CSAD: variants seen among roughly 807,000 people sequenced by gnomAD.
The protein encoded by CSAD is P-selectin cytoplasmic tail-associated protein.
Under a neutral mutation model 61.5 loss-of-function variants are expected in CSAD, and 47 were observed. The ratio of observed to expected loss-of-function variants is 0.76; its 90% confidence interval spans 0.60 to 0.97. CSAD has a LOEUF of 0.97. Among genes scored for constraint, CSAD ranks in the 50% least tolerant of loss-of-function variants. The probability of loss-of-function intolerance (pLI) is 0.00; values close to 1 mark genes in which losing one functional copy is unlikely to be tolerated. For synonymous variants in CSAD, 245 were observed against 252.7 expected, an observed-to-expected ratio of 0.97 and a Z score of 0.29; for missense variants, 611 against 643.6, an observed-to-expected ratio of 0.95 and a Z score of 0.55.
In CSAD at chr12:53,170,051, C is replaced by A. The variant is rs199564889; in HGVS notation, c.702+21G>T. On this transcript the variant is annotated intron_variant, in intron 10 of 16. Transcript: ENST00000444623. ...AAGACAGTTGGAGGCTATATCACCC[C>A]AGCGAGCCTCACTGACTCACCTCAG... 3.1e-6 allele frequency: 5 copies of A among 1,609,922 alleles called. No individual in the cohort carries two copies. The African/African-American group carries it at 6.7e-5, about 22-fold the overall frequency.
chr12:53,158,801 G>T, intron 16 of CSAD, 117 bp from the exon 17 acceptor site: 1 of 908,334 alleles, frequency 1.1e-6, no homozygotes, highest in Non-Finnish European at 1.7e-6. Flanking sequence ...CCACCTTCTG[G>T]GGGTAGCACA....
At position 53,159,610 on chromosome 12, in the gene CSAD, A is replaced by G; in HGVS notation, c.1308+13T>C. ...CTCCCTAACGGGTAAAGAGAGCAGC[A>G]CAGCACGCCTACCTTTGACAGCCTT... On this transcript the variant is annotated intron_variant, in intron 16 of 16. Transcript: ENST00000444623. 1 of 1,606,028 alleles carries G rather than the reference A, an allele frequency of 6.2e-7. No homozygotes were observed. The highest frequency in any genetic ancestry group is 8.5e-7 in the Non-Finnish European group (1 of 1,175,876).
intron 10 of CSAD, among the ~76,000 whole-genome samples, chr12:53,163,644 CA>C (rs1300251494): frequency 6.6e-6 from 1 of 152,064 alleles, no homozygotes; most frequent in African/African-American, 2.4e-5. Flanking sequence ...CTGAAAACTA[CA>C]AAACACTGTG....
chr12:53,158,896 C>T (rs1361272592), intron 16 of CSAD, among the ~76,000 whole-genome samples: 1 of 152,178 alleles, frequency 6.6e-6, no homozygotes, highest in Non-Finnish European at 1.5e-5. Flanking sequence ...TGCTTTTCTC[C>T]CCATTTCTCC....
At chr12:53,180,004 C>A in intron 1 of CSAD, 1 of 1,458,428 alleles carries the variant, frequency 6.9e-7, no homozygotes, top group Non-Finnish European at 9.0e-7. Flanking sequence ...GTGTTTGATG[C>A]TGGACGGCCT....
chr12:53,179,994 G>C (rs929987543), intron 1 of CSAD: 4 of 1,486,184 alleles, frequency 2.7e-6, no homozygotes, highest in African/African-American at 1.4e-5. Flanking sequence ...GTGGAGGCTA[G>C]TGTTTGATGC....
chr12:53,177,601 G>A (rs1003788873), intron 2 of CSAD, among the ~76,000 whole-genome samples: 1 of 152,080 alleles, frequency 6.6e-6, no homozygotes, highest in African/African-American at 2.4e-5. Context: ...CCAGCCTAAG[G>A]CAACAAAGCG....
intron 10 of CSAD, among the ~76,000 whole-genome samples, chr12:53,168,114 A>C (rs956878013): frequency 6.6e-6 from 1 of 152,248 alleles, no homozygotes; most frequent in Admixed American, 6.5e-5. Flanking sequence ...TATGTAAAAG[A>C]AGCTCATCAC....
At chr12:53,170,707 A>T in intron 8 of CSAD, 1 of 562,510 alleles carries the variant, frequency 1.8e-6, no homozygotes. Flanking sequence ...GGGGCCCAAG[A>T]TTCTGCATTT....
chr12:53,170,136 A>C lies in CSAD; in HGVS notation c.648-10T>G. 6.2e-7 allele frequency: 1 copy of C among 1,613,396 alleles called. No individual in the cohort carries two copies. The highest frequency in any genetic ancestry group is 1.1e-5 in the South Asian group (1 of 91,038). Reference sequence around the variant, plus strand: ...GGGGACCATTTTCCCTCTGAAAAAGAAAATGCAGAGGGTAGAGCAGGGACA... The same window carrying C: ...GGGGACCATTTTCCCTCTGAAAAAGCAAATGCAGAGGGTAGAGCAGGGACA... On this transcript the variant is annotated splice_polypyrimidine_tract_variant and intron_variant, in intron 9 of 16. Coordinates refer to ENST00000444623, the MANE Select transcript of CSAD (RefSeq NM_001244705.2).
chr12:53,159,712 G>C lies in CSAD; in HGVS notation c.1219C>G (p.Pro407Ala). ...CAGAAACACACATTGACAAACTCAG[G>C]CTGAGAGGAATGAGAAAGAGGAAGG... Reference protein sequence around the residue: ...KREGFELVMEPEFVNVCFWFV... With the variant: ...KREGFELVMEAEFVNVCFWFV... Residue 407 changes from proline (P) to alanine (A), a missense_variant and splice_region_variant, in exon 16 of 17, where the codon CCT becomes GCT. Physicochemically the swap from Pro to Ala is conservative, Grantham distance 27. Coordinates refer to ENST00000444623, the MANE Select transcript of CSAD (RefSeq NM_001244705.2). 6.2e-7 allele frequency: 1 copy of C among 1,607,270 alleles called. No individual in the cohort carries two copies. The highest frequency in any genetic ancestry group is 1.7e-5 in the Admixed American group (1 of 58,954).
chr12:53,170,571 T>C (rs894329644), intron 8 of CSAD, 69 bp from the exon 9 acceptor site: 7 of 1,210,796 alleles, frequency 5.8e-6, no homozygotes, highest in African/African-American at 1.5e-5. Flanking sequence ...AAAAGTCAAG[T>C]GTGAGCTCCA....
rs1215499626 is a variant in CSAD at position 53,170,460 on chromosome 12, C to T, written c.610G>A (p.Gly204Ser). The part of the protein sequence containing the change: ...IQKGAAFLGL[G>S]TDSVRVVKAD... ...TTGACCACTCGGACACTGTCGGTGC[C>T]AAGTCCCAGAAACGCAGCTCCCTTC... The change falls in exon 9 of 17, where the codon GGC becomes AGC. Residue 204 changes from glycine (G) to serine (S), a missense_variant. Physicochemically the swap from Gly to Ser is moderately conservative, Grantham distance 56. Coordinates refer to ENST00000444623, the MANE Select transcript of CSAD (RefSeq NM_001244705.2). The T allele has an allele frequency of 1.2e-6, 2 of 1,614,140 alleles. No individual in the cohort carries two copies.
chr12:53,171,468 G>A (rs2121513065), intron 7 of CSAD, 27 bp from the exon 8 acceptor site: 1 of 1,611,092 alleles, frequency 6.2e-7, no homozygotes, highest in Non-Finnish European at 8.5e-7. Context: ...GCGGTGGCAA[G>A]AGGAAGGAGC....
At chr12:53,167,884 C>T (rs931636181) in intron 10 of CSAD, among the ~76,000 whole-genome samples, 2 of 152,022 alleles carry the variant, frequency 1.3e-5, no homozygotes, top group Non-Finnish European at 2.9e-5. Flanking sequence ...GGTATATAAC[C>T]AAGATAAATG....
chr12:53,176,039 T>C (rs755648089), intron 2 of CSAD, among the ~76,000 whole-genome samples: 1 of 152,092 alleles, frequency 6.6e-6, no homozygotes, highest in Non-Finnish European at 1.5e-5. Context: ...TTTCTCATCA[T>C]TGACAAAAAT....
chr12:53,166,099 AG>A (rs1382318781), intron 10 of CSAD: 4 of 151,784 alleles, frequency 2.6e-5, no homozygotes, highest in African/African-American at 9.7e-5. Flanking sequence ...TGGGAGGCCA[AG>A]GCAGGCAGAT....
rs114998547 is a variant in CSAD at position 53,175,400 on chromosome 12, G to A, written c.-49-1630C>T. 5.8e-3 allele frequency among the ~76,000 whole-genome samples: 879 copies of A among 152,266 alleles called. 7 individuals are homozygous for A. The highest frequency in any genetic ancestry group is 0.02 in the African/African-American group (837 of 41,550). On this transcript the variant is annotated intron_variant, in intron 2 of 16. Coordinates refer to ENST00000444623, the MANE Select transcript of CSAD (RefSeq NM_001244705.2). ...AAAGGGATCTAGGCAATTGTCTCCT[G>A]AAGCGCTCTCAGCCAGGTTTATGGT...
rs983223440 is a variant in CSAD, at chr12:53,159,955, A to C, written c.1167-17T>G. ...ACCAGGTACCTGTGAACAGAGAGTG[A>C]GAAACCATAGGCGGGGAGGAAAAGC... is the stretch of plus-strand genomic sequence containing the variant. On this transcript the variant is annotated splice_polypyrimidine_tract_variant and intron_variant, in intron 14 of 16. Transcript: ENST00000444623. The C allele has an allele frequency of 1.2e-6, 2 of 1,606,328 alleles. No homozygotes were observed. The highest frequency in any genetic ancestry group is 1.7e-6 in the Non-Finnish European group (2 of 1,175,710).
Sources: allele counts gnomAD v4.1 joint callset (sites outside exome capture counted in the v4.1 genomes callset), GRCh38; gene constraint gnomAD v4.1.1; transcripts MANE v1.5; gene names NCBI Gene and HGNC (gene_info 2026-07-23, HGNC 2026-07-21).